Variants in FRMD3 observed in about 807,000 individuals in gnomAD.
The protein encoded by FRMD3 is FERM domain containing 3.
In FRMD3, 33 loss-of-function variants were observed where a neutral mutation model predicts 70.2. That is an observed-to-expected ratio of 0.47 (90% CI 0.36 to 0.63). The LOEUF (loss-of-function observed/expected upper bound fraction) is 0.63. Among genes scored for constraint, FRMD3 ranks in the 20% least tolerant of loss-of-function variants. FRMD3 has a pLI of 0.00. For missense variants in FRMD3, 632 were observed against 711.4 expected (o/e 0.89, Z 1.27); for synonymous variants, 279 against 255.9 (o/e 1.09, Z -0.86).
Position 83,247,940 on chromosome 9 carries a change from A to G in FRMD3, c.1772T>C (p.Leu591Pro). 1 of 1,614,142 alleles carries G rather than the reference A, an allele frequency of 6.2e-7. No individual in the cohort carries two copies. The highest frequency in any genetic ancestry group is 8.5e-7 in the Non-Finnish European group (1 of 1,179,988). ...ACTTCATGAGCAACCCAGCATGTAG[A>G]GGATGAGGTGGACTTTCCCAGCCAC... ...EWVAGKVHLILYMLGCS is the reference protein window; with the variant it reads ...EWVAGKVHLIPYMLGCS The change falls in exon 14 of 14, where the codon CTC becomes CCC. Residue 591 changes from leucine to proline, a missense_variant. Leu to Pro is a moderately conservative substitution (Grantham distance 98). Transcript: ENST00000304195.
At chr9:83,308,952 G>T (rs1307380656) in intron 10 of FRMD3, among the ~76,000 whole-genome samples, 1 of 152,064 alleles carries the variant, frequency 6.6e-6, no homozygotes, top group Non-Finnish European at 1.5e-5. Flanking sequence ...ATGGCGAATT[G>T]GTAGATAAAC....
At chr9:83,394,490 T>C (rs143264965) in intron 1 of FRMD3, among the ~76,000 whole-genome samples, 1 of 152,324 alleles carries the variant, frequency 6.6e-6, no homozygotes, top group Non-Finnish European at 1.5e-5. Flanking sequence ...CTTTAATGGG[T>C]AACCTGTGTA....
At chr9:83,437,703 A>G (rs1264329184) in intron 1 of FRMD3, among the ~76,000 whole-genome samples, 1 of 152,190 alleles carries the variant, frequency 6.6e-6, no homozygotes, top group Non-Finnish European at 1.5e-5. Context: ...GATTGAGCCT[A>G]TAAACCAGGC....
intron 13 of FRMD3, among the ~76,000 whole-genome samples, chr9:83,269,578 G>A (rs766460687): frequency 2.4e-4 from 36 of 151,934 alleles, no homozygotes; most frequent in Non-Finnish European, 4.1e-4. Context: ...GCGTGGTGGC[G>A]GGCACCTGTA....
chr9:83,363,356 C>T (rs1456731613), intron 3 of FRMD3, among the ~76,000 whole-genome samples: 1 of 152,132 alleles, frequency 6.6e-6, no homozygotes, highest in Non-Finnish European at 1.5e-5. Flanking sequence ...GTCAATAATA[C>T]ATGTCTGCCT....
intron 1 of FRMD3, among the ~76,000 whole-genome samples, chr9:83,534,202 C>G (rs1380402232): frequency 6.6e-6 from 1 of 152,146 alleles, no homozygotes; most frequent in African/African-American, 2.4e-5. Context: ...TACTCCCTGT[C>G]TATTTGGAAT....
At chr9:83,402,972 T>A (rs1437979612) in intron 1 of FRMD3, among the ~76,000 whole-genome samples, 1 of 147,858 alleles carries the variant, frequency 6.8e-6, no homozygotes, top group Non-Finnish European at 1.5e-5. Flanking sequence ...GGCGCGATCT[T>A]GGCTCACTGC....
rs555706962 is a variant in FRMD3, at chr9:83,360,385, A to T, written c.296-10628T>A. On this transcript the variant is annotated intron_variant, in intron 3 of 13. Transcript: ENST00000304195. ...TTATAAAGGCTCTCCCACCAAAGGG[A>T]GACATGAACAAAGCCTTCCTACCCA... Among the ~76,000 whole-genome samples the T allele has an allele frequency of 2.6e-5, 4 of 152,332 alleles. No homozygotes were observed. In the East Asian group the frequency reaches 7.7e-4, roughly 29 times the overall value.
intron 1 of FRMD3, among the ~76,000 whole-genome samples, chr9:83,504,743 C>T (rs1035487639): frequency 6.6e-6 from 1 of 152,170 alleles, no homozygotes; most frequent in African/African-American, 2.4e-5. Flanking sequence ...CTACATAGAA[C>T]TCATCACATC....
At chr9:83,409,664 A>G (rs974227286) in intron 1 of FRMD3, among the ~76,000 whole-genome samples, 2 of 152,232 alleles carry the variant, frequency 1.3e-5, no homozygotes, top group East Asian at 1.9e-4. Flanking sequence ...AGCCATTTAC[A>G]TATATTAGCT....
intron 1 of FRMD3, among the ~76,000 whole-genome samples, chr9:83,461,989 C>A (rs1827990194): frequency 2.0e-5 from 3 of 151,998 alleles, no homozygotes; most frequent in Admixed American, 1.3e-4. Context: ...TGCCTGGCAG[C>A]AATTTCTCAA....
At chr9:83,532,401 G>A (rs1424536834) in intron 1 of FRMD3, among the ~76,000 whole-genome samples, 1 of 152,150 alleles carries the variant, frequency 6.6e-6, no homozygotes, top group Non-Finnish European at 1.5e-5. Context: ...CATAAGGGCA[G>A]AAATGATATT....
rs749190732 is a variant in FRMD3 at position 83,538,068 on chromosome 9, C to G, written c.147+17G>C. ...TCCCGGCGTGTGCCCCGCGCCCTCG[C>G]CCGGTTCCACGCGCACCTGGATGTG... On this transcript the variant is annotated intron_variant, in intron 1 of 13. Transcript: ENST00000304195. This position sits in a 1 kb window ranked among gnomAD's most constrained non-coding sequence, Gnocchi z 4.7. 9.3e-6 allele frequency: 15 copies of G among 1,610,450 alleles called. No individual in the cohort carries two copies. The highest frequency in any genetic ancestry group is 1.3e-5 in the Non-Finnish European group (15 of 1,177,560).
intron 2 of FRMD3, among the ~76,000 whole-genome samples, chr9:83,378,565 A>T (rs13291034): frequency 3.3e-5 from 4 of 119,710 alleles, no homozygotes; most frequent in Non-Finnish European, 5.0e-5. Flanking sequence ...TATATATATA[A>T]AATATACATA....
rs149555856 is a variant in FRMD3 at position 83,383,416 on chromosome 9, C to A, written c.252+6188G>T. Among the ~76,000 whole-genome samples, 1,274 of 152,336 alleles carry A rather than the reference C, an allele frequency of 8.4e-3. 19 individuals carry two copies. The highest frequency in any genetic ancestry group is 0.029 in the African/African-American group (1,216 of 41,580). On this transcript the variant is annotated intron_variant, in intron 2 of 13. Coordinates refer to ENST00000304195, the MANE Select transcript of FRMD3 (RefSeq NM_174938.6). ...CATGTAACAGACAACTACTACTGAA[C>A]CTTGAAGGAAATAAAATAGTCATTT...
rs114814352 is a variant in FRMD3, at chr9:83,269,972, A to G, written c.1195+20631T>C. On this transcript the variant is annotated intron_variant, in intron 13 of 13. Coordinates refer to ENST00000304195, the MANE Select transcript of FRMD3 (RefSeq NM_174938.6). ...TATATTGCCTCAGCCATTTCTCTCT[A>G]CCTTGTCTGACTCTGCCCACAGGGG... Among the ~76,000 whole-genome samples, 655 of 152,122 alleles carry G rather than the reference A, an allele frequency of 4.3e-3. 5 individuals are homozygous for G. The highest frequency in any genetic ancestry group is 0.015 in the African/African-American group (635 of 41,484).
chr9:83,451,928 A>C (rs975995453), intron 1 of FRMD3, among the ~76,000 whole-genome samples: 3 of 152,248 alleles, frequency 2.0e-5, no homozygotes, highest in African/African-American at 7.2e-5. Flanking sequence ...ACTGTCAAGG[A>C]TCCCCAGTAG....
At chr9:83,463,516 C>T (rs1357215961) in intron 1 of FRMD3, among the ~76,000 whole-genome samples, 1 of 152,136 alleles carries the variant, frequency 6.6e-6, no homozygotes, top group African/African-American at 2.4e-5. Context: ...AACTCACTCA[C>T]TATCATGAGA....
intron 12 of FRMD3, among the ~76,000 whole-genome samples, chr9:83,293,888 T>A (rs1227783267): frequency 1.3e-5 from 2 of 152,190 alleles, no homozygotes; most frequent in Non-Finnish European, 2.9e-5. Context: ...AAGACTCAGA[T>A]AAACCCAAAG....
Sources: gnomAD v4.1 joint callset for allele counts (sites outside exome capture counted in the v4.1 genomes callset) on GRCh38, gnomAD v4.1.1 for gene constraint, Gnocchi (gnomAD v3.1) non-coding constraint, MANE v1.5 for transcripts, NCBI Gene and HGNC (gene_info 2026-07-23, HGNC 2026-07-21) for gene names.